GATA6: variants seen among roughly 807,000 people sequenced by gnomAD.
GATA6 encodes the protein transcription factor GATA-6.
GATA6 carries 11 observed loss-of-function variants against 48.1 expected under a neutral mutation model. The observed-to-expected ratio is 0.23, with a 90% CI of 0.14 to 0.38. GATA6 has a LOEUF of 0.38. Ranked by LOEUF, GATA6 falls within the 10% of genes least tolerant of loss-of-function variation. The pLI, the probability that GATA6 is intolerant of heterozygous loss-of-function variation, is 1.00. For synonymous variants in GATA6, 419 were observed against 396.1 expected (o/e 1.06, Z -0.69); for missense variants, 795 against 850.3 (o/e 0.93, Z 0.81).
chr18:22,171,875 G>C lies in GATA6; in HGVS notation c.731G>C (p.Gly244Ala). 1 of 1,148,930 alleles carries C rather than the reference G, an allele frequency of 8.7e-7. No individual in the cohort carries two copies. The highest frequency in any genetic ancestry group is 1.1e-6 in the Non-Finnish European group (1 of 936,002). 71.2% of individuals were successfully genotyped at this position (1,148,930 alleles called of 1,614,324 possible). A position where few individuals can be genotyped will look rare whatever the true frequency, so the allele number is the denominator to read the frequency against. Residue 244 changes from glycine to alanine, a missense_variant, in exon 2 of 7, where the codon GGC (glycine) becomes GCC (alanine). By Grantham distance (60) the Gly-to-Ala change is moderately conservative (BLOSUM62 0). This residue lies in a region of GATA6 where 591 missense variants were observed against 570.0 expected (regional missense o/e 1.04). Transcript: ENST00000269216. The surrounding 1 kb of genome is among the most constrained non-coding windows in gnomAD (Gnocchi z 7.1). ...GGCAGCGGAGGCGGCGCGGCTGGCG[G>C]CGGGGCCGCGGGGCCTGGCGGCGCT... is the stretch of plus-strand genomic sequence containing the variant. ...PYGSGGGAAG[G>A]GAAGPGGAGS...
intron 6 of GATA6, among the ~76,000 whole-genome samples, chr18:22,190,397 A>G (rs187552965): frequency 2.0e-5 from 3 of 152,362 alleles, no homozygotes; most frequent in East Asian, 1.9e-4. Flanking sequence ...ATTTAAATCC[A>G]TACACAAACA....
At chr18:22,177,944 GTTTTTTTGTTTTTTTTTTT>G (rs1399458770) in intron 3 of GATA6, among the ~76,000 whole-genome samples, 2 of 77,886 alleles carry the variant, frequency 2.6e-5, no homozygotes, top group East Asian at 3.4e-4. Flanking sequence ...ACGTTTTACT[GTTTTTTTGTTTTTTTTTTT>G]TTTTTTTTTT....
Position 22,200,760 on chromosome 18 carries a change from C to T in GATA6, c.1725C>T (p.Ala575=), listed in dbSNP as rs200788504. 1,175 of 1,613,992 alleles carry T rather than the reference C, an allele frequency of 7.3e-4. 14 individuals carry two copies. The South Asian group carries it at 0.012, about 17-fold the overall frequency. Residue 575 remains alanine, a synonymous_variant, in exon 7 of 7, where the codon GCC becomes GCT. Transcript: ENST00000269216. ...GGCTCTACATAGGCGTCAGTCTCGC[C>T]TCGCCGGCCGAAGTCACGTCCTCCG... The part of the protein sequence containing the change: ...QDGLYIGVSL[A]SPAEVTSSVR...
Position 22,172,233 on chromosome 18 carries a change from G to A in GATA6, c.1089G>A (p.Gln363=), listed in dbSNP as rs1253142325. Residue 363 remains glutamine (Q), a synonymous_variant, in exon 2 of 7, where the codon CAG becomes CAA. Transcript: ENST00000269216. The surrounding 1 kb of genome is among the most constrained non-coding windows in gnomAD (Gnocchi z 5.2). Reference sequence around the variant, plus strand: ...AGACCCCGGTGCTGCACAGCCTGCAGAGCCGCGCCGGAGCCCCGCTCCCGG... The same window carrying A: ...AGACCCCGGTGCTGCACAGCCTGCAAAGCCGCGCCGGAGCCCCGCTCCCGG... ...PFETPVLHSL[Q]SRAGAPLPVP... The A allele has an allele frequency of 6.5e-7, 1 of 1,533,980 alleles. No homozygotes were observed. The highest frequency in any genetic ancestry group is 8.7e-7 in the Non-Finnish European group (1 of 1,146,240).
intron 6 of GATA6, among the ~76,000 whole-genome samples, chr18:22,196,137 ATAT>A (rs1348128251): frequency 3.1e-4 from 47 of 152,318 alleles, no homozygotes; most frequent in African/African-American, 9.4e-4. Context: ...TCATGTTTAA[ATAT>A]TATTATATGT....
intron 6 of GATA6, among the ~76,000 whole-genome samples, chr18:22,186,546 G>C (rs930395918): frequency 1.3e-5 from 2 of 152,156 alleles, no homozygotes; most frequent in Admixed American, 6.5e-5. Context: ...CCATTTAAGT[G>C]ATGGCACCAG....
intron 3 of GATA6, among the ~76,000 whole-genome samples, chr18:22,178,440 T>C (rs1215287442): frequency 6.6e-6 from 1 of 152,258 alleles, no homozygotes; most frequent in Admixed American, 6.5e-5. Context: ...CATAATCTAA[T>C]AACCCTTTAA....
At chr18:22,169,893 CG>C (rs1567989578) in intron 1 of GATA6, among the ~76,000 whole-genome samples, 2 of 152,234 alleles carry the variant, frequency 1.3e-5, no homozygotes, top group East Asian at 3.9e-4. Context: ...CTCCTCGAAG[CG>C]CTTATCTGCG....
chr18:22,198,342 A>C (rs1317057728), intron 6 of GATA6, among the ~76,000 whole-genome samples: 1 of 152,062 alleles, frequency 6.6e-6, no homozygotes, highest in Non-Finnish European at 1.5e-5. Context: ...AAGTGTTGGG[A>C]TTAAAGGCAC....
chr18:22,184,930 G>C (rs1375821070), intron 6 of GATA6, among the ~76,000 whole-genome samples: 1 of 152,180 alleles, frequency 6.6e-6, no homozygotes, highest in Non-Finnish European at 1.5e-5. Flanking sequence ...CCAGCTCCAA[G>C]TCACTTTTGT....
At chr18:22,195,351 G>T (rs2033377584) in intron 6 of GATA6, among the ~76,000 whole-genome samples, 1 of 152,134 alleles carries the variant, frequency 6.6e-6, no homozygotes, top group African/African-American at 2.4e-5. Flanking sequence ...CTCGACTCTG[G>T]TTCCCTCCTA....
chr18:22,191,990 C>T (rs1361941260), intron 6 of GATA6, among the ~76,000 whole-genome samples: 3 of 152,210 alleles, frequency 2.0e-5, no homozygotes, highest in Non-Finnish European at 4.4e-5. Flanking sequence ...CCACATGCTG[C>T]AGAACCATAT....
chr18:22,175,854 G>A (rs1368596990), intron 2 of GATA6, among the ~76,000 whole-genome samples: 1 of 152,122 alleles, frequency 6.6e-6, no homozygotes, highest in Non-Finnish European at 1.5e-5. Flanking sequence ...AGTGATTCAG[G>A]AATGCTTCTT....
At chr18:22,197,742 A>G (rs1422686126) in intron 6 of GATA6, among the ~76,000 whole-genome samples, 2 of 152,180 alleles carry the variant, frequency 1.3e-5, no homozygotes, top group Non-Finnish European at 2.9e-5. Flanking sequence ...GGGGGACTGC[A>G]CTCAGCAGGG....
Position 22,171,045 on chromosome 18 carries a change from C to T in GATA6, c.-37-63C>T. On this transcript the variant is annotated intron_variant, in intron 1 of 6. Transcript: ENST00000269216. The surrounding 1 kb of genome is among the most constrained non-coding windows in gnomAD (Gnocchi z 7.1). ...AAAGGAGTGGAGGCGAGGTAGCGTG[C>T]AGCCTACGCTCTTGTTAACCCGTCG... 2 of 969,546 alleles carry T rather than the reference C, an allele frequency of 2.1e-6. No individual in the cohort carries two copies. The highest frequency in any genetic ancestry group is 3.2e-6 in the Non-Finnish European group (2 of 626,244). 60.1% of individuals were successfully genotyped at this position (969,546 alleles called of 1,614,324 possible). A position where few individuals can be genotyped will look rare whatever the true frequency, so the allele number is the denominator to read the frequency against.
rs1900371044 is a variant in GATA6 at position 22,172,542 on chromosome 18, C to T, written c.1135+263C>T. On this transcript the variant is annotated intron_variant, in intron 2 of 6. Transcript: ENST00000269216. This position sits in a 1 kb window ranked among gnomAD's most constrained non-coding sequence, Gnocchi z 5.2. ...GAGACTAAATGCACATCTGTACCTT[C>T]GTGCCTTGGGGAAGCTCAGGGCCTT... is the stretch of plus-strand genomic sequence containing the variant. 6.6e-6 allele frequency among the ~76,000 whole-genome samples: 1 copy of T among 152,186 alleles called. No individual in the cohort carries two copies. The highest frequency in any genetic ancestry group is 2.1e-4 in the South Asian group (1 of 4,836).
At chr18:22,174,322 A>G (rs1380606222) in intron 2 of GATA6, among the ~76,000 whole-genome samples, 1 of 152,198 alleles carries the variant, frequency 6.6e-6, no homozygotes, top group Non-Finnish European at 1.5e-5. Context: ...CCAGCATTTC[A>G]TATGGCTGAG....
chr18:22,187,161 A>G (rs2033272794), intron 6 of GATA6, among the ~76,000 whole-genome samples: 1 of 152,228 alleles, frequency 6.6e-6, no homozygotes, highest in African/African-American at 2.4e-5. Flanking sequence ...TAAAAAATGT[A>G]TATTTAGTTG....
Position 22,172,935 on chromosome 18 carries a change from G to A in GATA6, c.1135+656G>A, listed in dbSNP as rs1019078929. Among the ~76,000 whole-genome samples the A allele has an allele frequency of 2.0e-5, 3 of 152,232 alleles. No individual in the cohort carries two copies. The highest frequency in any genetic ancestry group is 7.2e-5 in the African/African-American group (3 of 41,462). On this transcript the variant is annotated intron_variant, in intron 2 of 6. Transcript: ENST00000269216. This position sits in a 1 kb window ranked among gnomAD's most constrained non-coding sequence, Gnocchi z 5.2. ...AGACTTGTGACTTCATGGTGAAGGA[G>A]AGCTGGTGGATAGGCCCTTGGGCTT...
Sources: gnomAD v4.1 joint callset for allele counts (sites outside exome capture counted in the v4.1 genomes callset) on GRCh38, gnomAD v4.1.1 for gene constraint, gnomAD v4.1.1 regional missense constraint, Gnocchi (gnomAD v3.1) non-coding constraint, MANE v1.5 for transcripts, NCBI Gene and HGNC (gene_info 2026-07-23, HGNC 2026-07-21) for gene names.